ENTREP2: variants seen among roughly 807,000 people sequenced by gnomAD.
ENTREP2 encodes protein ENTREP2.
the ENTREP2 span, among the ~76,000 whole-genome samples, chr15:29,174,605 C>T: frequency 1.3e-5 from 2 of 152,060 alleles, no homozygotes; most frequent in South Asian, 4.1e-4. Context: ...AGGAGAATGG[C>T]CTGAACCTGG....
At chr15:29,269,307 G>A in the ENTREP2 span, 6 of 1,614,226 alleles carry the variant, frequency 3.7e-6, no homozygotes, top group Non-Finnish European at 5.1e-6. Flanking sequence ...CGTACTGGAG[G>A]CGCTCGGCGG....
chr15:29,607,304 C>CTTTTTTTT, the ENTREP2 span, among the ~76,000 whole-genome samples: 3 of 131,762 alleles, frequency 2.3e-5, no homozygotes, highest in African/African-American at 2.9e-5. Flanking sequence ...CTCTTCATTT[C>CTTTTTTTT]TTTTTTTTTT....
At chr15:29,378,371 C>T in the ENTREP2 span, among the ~76,000 whole-genome samples, 5 of 152,110 alleles carry the variant, frequency 3.3e-5, no homozygotes, top group African/African-American at 9.7e-5. Context: ...CAAAACTCTG[C>T]GGTGATGGTT....
the ENTREP2 span, among the ~76,000 whole-genome samples, chr15:29,482,281 A>G: frequency 6.6e-6 from 1 of 151,714 alleles, no homozygotes; most frequent in Non-Finnish European, 1.5e-5. Flanking sequence ...AAGTGCTGAG[A>G]TTACAGGCGT....
chr15:29,150,937 C>T, the ENTREP2 span, among the ~76,000 whole-genome samples: 2 of 152,232 alleles, frequency 1.3e-5, no homozygotes, highest in Admixed American at 1.3e-4. Flanking sequence ...AAGACACACA[C>T]AGAGACAGAG....
the ENTREP2 span, among the ~76,000 whole-genome samples, chr15:29,171,593 T>G: frequency 5.9e-5 from 9 of 152,256 alleles, no homozygotes; most frequent in African/African-American, 2.2e-4. Flanking sequence ...AAGTTTCTAA[T>G]TTTGACACAA....
chr15:29,427,504 G>A, the ENTREP2 span, among the ~76,000 whole-genome samples: 3 of 152,170 alleles, frequency 2.0e-5, no homozygotes, highest in African/African-American at 7.2e-5. Context: ...GCTCCTTCTG[G>A]AAGCTCCAGG....
At chr15:29,419,793 G>A in the ENTREP2 span, among the ~76,000 whole-genome samples, 1 of 152,136 alleles carries the variant, frequency 6.6e-6, no homozygotes, top group African/African-American at 2.4e-5. Flanking sequence ...AGTCCTGAAA[G>A]GAAGTAGCTG....
the ENTREP2 span, among the ~76,000 whole-genome samples, chr15:29,227,222 G>T: frequency 6.6e-6 from 1 of 152,180 alleles, no homozygotes; most frequent in Non-Finnish European, 1.5e-5. Context: ...AGATAGGACT[G>T]GAATATAGTT....
At chr15:29,123,142 G>T in the ENTREP2 span, 1 of 568,474 alleles carries the variant, frequency 1.8e-6, no homozygotes, top group Non-Finnish European at 3.1e-6. Flanking sequence ...AATCCCCAAA[G>T]AGACACTGCT....
the ENTREP2 span, among the ~76,000 whole-genome samples, chr15:29,220,438 G>A: frequency 2.6e-5 from 4 of 152,132 alleles, no homozygotes; most frequent in African/African-American, 9.7e-5. Context: ...CTTTATGACC[G>A]ATCAGTATTT....
the ENTREP2 span, among the ~76,000 whole-genome samples, chr15:29,606,529 A>G: frequency 6.6e-6 from 1 of 152,032 alleles, no homozygotes; most frequent in East Asian, 1.9e-4. Flanking sequence ...TATGCCCTTT[A>G]CACTTAAGGG....
chr15:29,314,031 T>A, the ENTREP2 span, among the ~76,000 whole-genome samples: 1 of 152,188 alleles, frequency 6.6e-6, no homozygotes, highest in Non-Finnish European at 1.5e-5. Context: ...AGAATTAGAA[T>A]TAGAAGTGGA....
chr15:29,153,528 T>C, the ENTREP2 span, among the ~76,000 whole-genome samples: 1 of 152,228 alleles, frequency 6.6e-6, no homozygotes, highest in Non-Finnish European at 1.5e-5. Flanking sequence ...TCTACCCTCA[T>C]GACCTAACAA....
chr15:29,186,084 G>A, the ENTREP2 span, among the ~76,000 whole-genome samples: 2 of 152,146 alleles, frequency 1.3e-5, no homozygotes, highest in East Asian at 1.9e-4. Flanking sequence ...CGTACTTTCT[G>A]TTTGGACACT....
At chr15:29,440,178 G>A in the ENTREP2 span, among the ~76,000 whole-genome samples, 1 of 152,152 alleles carries the variant, frequency 6.6e-6, no homozygotes, top group Non-Finnish European at 1.5e-5. Context: ...ACCATTAGTA[G>A]AAAAATTGGT....
the ENTREP2 span, among the ~76,000 whole-genome samples, chr15:29,181,509 C>A: frequency 6.6e-6 from 1 of 151,936 alleles, no homozygotes; most frequent in Non-Finnish European, 1.5e-5. Context: ...GATGAAAAAT[C>A]TTTAATAAAA....
the ENTREP2 span, among the ~76,000 whole-genome samples, chr15:29,173,312 G>A: frequency 6.6e-6 from 1 of 152,184 alleles, no homozygotes; most frequent in Non-Finnish European, 1.5e-5. Context: ...CTGCTTCTAC[G>A]TGACTATGAT....
the ENTREP2 span, among the ~76,000 whole-genome samples, chr15:29,242,152 C>T: frequency 3.8e-4 from 58 of 152,338 alleles, no homozygotes; most frequent in African/African-American, 1.3e-3. Context: ...TGGCTCACTG[C>T]AACCTCCACT....
Sources: gnomAD v4.1 joint callset for allele counts (sites outside exome capture counted in the v4.1 genomes callset) on GRCh38, gnomAD v4.1.1 for gene constraint, MANE v1.5 for transcripts, NCBI Gene and HGNC (gene_info 2026-07-23, HGNC 2026-07-21) for gene names.